ZEB2: variants seen among roughly 807,000 people sequenced by gnomAD.
The protein encoded by ZEB2 is zinc finger E-box binding homeobox 2.
In ZEB2, 6 loss-of-function variants were observed where a neutral mutation model predicts 99.9. The ratio of observed to expected loss-of-function variants is 0.06; its 90% confidence interval spans 0.03 to 0.12. The LOEUF (loss-of-function observed/expected upper bound fraction) is 0.12, where lower values mean the gene tolerates loss of function less well. Ranked by LOEUF, ZEB2 falls within the 10% of genes least tolerant of loss-of-function variation. ZEB2 has a pLI of 1.00. For missense variants in ZEB2, 969 were observed against 1,502.8 expected (o/e 0.64, Z 5.87); for synonymous variants, 517 against 542.5 (o/e 0.95, Z 0.65).
At chr2:144,443,777 A>T (rs573215726) in intron 2 of ZEB2, among the ~76,000 whole-genome samples, 19 of 152,254 alleles carry the variant, frequency 1.2e-4, no homozygotes, top group African/African-American at 4.1e-4. Context: ...GCTGCCTGAG[A>T]TAAGGGAAGG....
At chr2:144,430,406 A>G (rs1703754365) in intron 2 of ZEB2, 1 of 293,866 alleles carries the variant, frequency 3.4e-6, no homozygotes, top group South Asian at 3.6e-5. Flanking sequence ...GACATGAAGT[A>G]TTTACTATAT....
chr2:144,461,075 C>T (rs1277695681), intron 2 of ZEB2: 2 of 145,680 alleles, frequency 1.4e-5, no homozygotes, highest in Non-Finnish European at 3.0e-5. Context: ...AAAGTAAGTG[C>T]TATAGTTATT....
intron 2 of ZEB2, among the ~76,000 whole-genome samples, chr2:144,454,713 T>C (rs1274922537): frequency 6.6e-6 from 1 of 152,212 alleles, no homozygotes; most frequent in Non-Finnish European, 1.5e-5. Flanking sequence ...GACACCCACA[T>C]GACTGTCTCC....
At chr2:144,459,457 T>A (rs534066208) in intron 2 of ZEB2, among the ~76,000 whole-genome samples, 104 of 152,306 alleles carry the variant, frequency 6.8e-4, no homozygotes, top group Non-Finnish European at 6.0e-4. Flanking sequence ...TGGGGAAATT[T>A]ACCTTCTCAC....
chr2:144,515,587 A>G (rs1240883750), intron 2 of ZEB2, among the ~76,000 whole-genome samples: 7 of 151,864 alleles, frequency 4.6e-5, no homozygotes, highest in Non-Finnish European at 1.0e-4. Context: ...ATCTTGGGGA[A>G]GCAGCTCGGA....
At chr2:144,471,623 A>G (rs956192568) in intron 2 of ZEB2, among the ~76,000 whole-genome samples, 3 of 151,388 alleles carry the variant, frequency 2.0e-5, no homozygotes, top group Admixed American at 2.0e-4. Context: ...GAAATCCCCT[A>G]TTTGTAAGCC....
chr2:144,411,139 C>CAG (rs1703459451), intron 4 of ZEB2, among the ~76,000 whole-genome samples: 1 of 140,616 alleles, frequency 7.1e-6, no homozygotes, highest in Non-Finnish European at 1.5e-5. Flanking sequence ...CACACACACA[C>CAG]ACACACACAC....
At chr2:144,403,146 G>A (rs1703335418) in intron 6 of ZEB2, among the ~76,000 whole-genome samples, 1 of 152,132 alleles carries the variant, frequency 6.6e-6, no homozygotes, top group East Asian at 1.9e-4. Context: ...CCTCCCAGTG[G>A]GAAAGAGGAG....
chr2:144,477,474 T>C (rs1213750899), intron 2 of ZEB2, among the ~76,000 whole-genome samples: 1 of 152,196 alleles, frequency 6.6e-6, no homozygotes, highest in Admixed American at 6.5e-5. Flanking sequence ...CAGCACATCA[T>C]AAAATTCCTA....
At chr2:144,511,782 T>G in intron 2 of ZEB2, 1 of 1,286,226 alleles carries the variant, frequency 7.8e-7, no homozygotes, top group Non-Finnish European at 1.0e-6. Context: ...CATCTTCTGA[T>G]TGCTAAAGAC....
chr2:144,390,620 G>A (rs1703144314), intron 9 of ZEB2: 1 of 165,678 alleles, frequency 6.0e-6, no homozygotes, highest in Non-Finnish European at 1.3e-5. Context: ...AAAAATCAGA[G>A]AAGAAACCAT....
chr2:144,449,389 T>C (rs1341846485), intron 2 of ZEB2, among the ~76,000 whole-genome samples: 1 of 152,088 alleles, frequency 6.6e-6, no homozygotes, highest in Non-Finnish European at 1.5e-5. Flanking sequence ...AACTTTAACA[T>C]CCTAAATGAC....
intron 2 of ZEB2, among the ~76,000 whole-genome samples, chr2:144,509,130 G>C (rs919338941): frequency 2.6e-5 from 4 of 152,212 alleles, no homozygotes; most frequent in Admixed American, 6.5e-5. Flanking sequence ...AATTCTGAGT[G>C]TCTTTGGAGA....
chr2:144,478,718 C>T (rs1188305469), intron 2 of ZEB2, among the ~76,000 whole-genome samples: 1 of 152,184 alleles, frequency 6.6e-6, no homozygotes, highest in Non-Finnish European at 1.5e-5. Flanking sequence ...TCAAATTATT[C>T]TTTCTTTGAA....
At chr2:144,475,973 T>C (rs1022972511) in intron 2 of ZEB2, among the ~76,000 whole-genome samples, 5 of 152,180 alleles carry the variant, frequency 3.3e-5, no homozygotes, top group African/African-American at 4.8e-5. Flanking sequence ...AAGATGATCA[T>C]GTCCAAGGAT....
At chr2:144,401,989 A>T (rs1338033276) in intron 6 of ZEB2, among the ~76,000 whole-genome samples, 1 of 152,210 alleles carries the variant, frequency 6.6e-6, no homozygotes, top group Non-Finnish European at 1.5e-5. Context: ...GTAAGAGACA[A>T]CATCTTGGGT....
intron 1 of ZEB2, chr2:144,519,384 A>G (rs1364254547): frequency 6.5e-6 from 1 of 152,846 alleles, no homozygotes; most frequent in African/African-American, 2.4e-5. Flanking sequence ...AAGCAGACAA[A>G]AACAGACAAC....
At chr2:144,475,243 T>C (rs1008572304) in intron 2 of ZEB2, among the ~76,000 whole-genome samples, 1 of 152,188 alleles carries the variant, frequency 6.6e-6, no homozygotes, top group African/African-American at 2.4e-5. Flanking sequence ...CTACTTGTTA[T>C]AAACCATCTC....
At chr2:144,463,922 A>G (rs1485446824) in intron 2 of ZEB2, 2 of 152,150 alleles carry the variant, frequency 1.3e-5, no homozygotes, top group African/African-American at 2.4e-5. Context: ...GAAAAGAAAG[A>G]AAGAAAAGAA....
Sources: gnomAD v4.1 joint callset for allele counts (sites outside exome capture counted in the v4.1 genomes callset) on GRCh38, gnomAD v4.1.1 for gene constraint, MANE v1.5 for transcripts, NCBI Gene and HGNC (gene_info 2026-07-23, HGNC 2026-07-21) for gene names.